CPNE4: variants seen among roughly 807,000 people sequenced by gnomAD.
The protein encoded by CPNE4 is copine 4.
Under a neutral mutation model 67.9 loss-of-function variants are expected in CPNE4, and 25 were observed. The ratio of observed to expected loss-of-function variants is 0.37; its 90% CI spans 0.27 to 0.51. CPNE4 has a LOEUF of 0.51. Among genes scored for constraint, CPNE4 ranks in the 20% least tolerant of loss-of-function variants. CPNE4 has a pLI of 0.93. For missense variants in CPNE4, 464 were observed against 690.8 expected (o/e 0.67, Z 3.68); for synonymous variants, 242 against 244.9 (o/e 0.99, Z 0.11).
chr3:131,580,278 A>C (rs994569766), intron 9 of CPNE4, among the ~76,000 whole-genome samples: 5 of 152,208 alleles, frequency 3.3e-5, no homozygotes, highest in African/African-American at 1.2e-4. Context: ...AATAGACTAC[A>C]GTATAGTGTA....
At chr3:131,934,775 G>T (rs529771118) in intron 1 of CPNE4, among the ~76,000 whole-genome samples, 2 of 152,266 alleles carry the variant, frequency 1.3e-5, no homozygotes, top group South Asian at 4.1e-4. Flanking sequence ...GGGAGCTAGA[G>T]GGAATACCTA....
intron 2 of CPNE4, among the ~76,000 whole-genome samples, chr3:131,862,963 G>GT (rs1018599732): frequency 6.7e-6 from 1 of 149,952 alleles, no homozygotes. Flanking sequence ...GCGGTGTTTG[G>GT]TTTTTTGTCC....
chr3:131,702,046 T>C (rs1378722264), intron 3 of CPNE4, among the ~76,000 whole-genome samples: 1 of 151,980 alleles, frequency 6.6e-6, no homozygotes, highest in Non-Finnish European at 1.5e-5. Flanking sequence ...AAATACCAAG[T>C]CTCTACTAGT....
chr3:131,546,859 G>GAGAA (rs1176581946), intron 14 of CPNE4, among the ~76,000 whole-genome samples: 1 of 152,184 alleles, frequency 6.6e-6, no homozygotes, highest in African/African-American at 2.4e-5. Context: ...GGGAGCTAAA[G>GAGAA]AGAATGGACA....
chr3:131,677,216 T>TTTTA (rs1195393791), intron 6 of CPNE4, among the ~76,000 whole-genome samples: 8 of 151,878 alleles, frequency 5.3e-5, no homozygotes, highest in African/African-American at 1.2e-4. Flanking sequence ...TTGCCCACTT[T>TTTTA]TTTATTTATT....
In CPNE4 at chr3:131,923,812, T is replaced by C. The variant is rs116024944; in HGVS notation, c.-1-18368A>G. Among the ~76,000 whole-genome samples the C allele has an allele frequency of 7.3e-4, 109 of 150,214 alleles. 1 individual carries two copies. The highest frequency in any genetic ancestry group is 2.6e-3 in the African/African-American group (104 of 40,724). On this transcript the variant is annotated intron_variant, in intron 1 of 15. Transcript: ENST00000429747. Reference sequence around the variant, plus strand: ...ATGCCTCATGTGGGCTAGTGGCTCATGTCAGCTAAGCCCCAGGCCCTAAGT... The same window carrying C: ...ATGCCTCATGTGGGCTAGTGGCTCACGTCAGCTAAGCCCCAGGCCCTAAGT...
chr3:131,548,716 G>T (rs998029923), intron 14 of CPNE4, among the ~76,000 whole-genome samples: 1 of 152,108 alleles, frequency 6.6e-6, no homozygotes, highest in Non-Finnish European at 1.5e-5. Flanking sequence ...AAGAGAAAAT[G>T]ATAAGAATTA....
intron 3 of CPNE4, among the ~76,000 whole-genome samples, chr3:131,722,619 G>T (rs1337859193): frequency 1.3e-5 from 2 of 152,022 alleles, no homozygotes; most frequent in Non-Finnish European, 2.9e-5. Flanking sequence ...TAAGGTCTAC[G>T]ACCTTGTATA....
Position 131,947,885 on chromosome 3 carries a change from C to T in CPNE4, c.-1-42441G>A, listed in dbSNP as rs191324187. On this transcript the variant is annotated intron_variant, in intron 1 of 15. Transcript: ENST00000429747. ...AAAAGTGTTCTTATTTATCCATATC[C>T]TCACCAGCATGATCAGTTTTCTTAT... Among the ~76,000 whole-genome samples, 764 of 152,192 alleles carry T rather than the reference C, an allele frequency of 5.0e-3. 4 individuals are homozygous for T. Among genetic ancestry groups the T allele is most frequent in the Non-Finnish European group, 7.9e-3 (537 of 68,004 alleles).
At chr3:131,564,155 C>T (rs1936935185) in intron 11 of CPNE4, 61 bp downstream of exon 11, 2 of 1,603,752 alleles carry the variant, frequency 1.2e-6, no homozygotes, top group East Asian at 4.5e-5. Context: ...CAGGATCAGC[C>T]AAAGACCGTC....
At chr3:131,548,187 G>A (rs1002089229) in intron 14 of CPNE4, among the ~76,000 whole-genome samples, 2 of 152,060 alleles carry the variant, frequency 1.3e-5, no homozygotes, top group East Asian at 1.9e-4. Flanking sequence ...CGTACAAGAT[G>A]TGCAATATTT....
chr3:131,621,039 C>T (rs543804360), intron 7 of CPNE4, among the ~76,000 whole-genome samples: 1 of 152,092 alleles, frequency 6.6e-6, no homozygotes, highest in Non-Finnish European at 1.5e-5. Flanking sequence ...CTCTTGTATC[C>T]AAGAGGGATC....
chr3:131,634,907 ATAAAT>A (rs1031662927), intron 7 of CPNE4, among the ~76,000 whole-genome samples: 8 of 152,196 alleles, frequency 5.3e-5, no homozygotes, highest in African/African-American at 1.9e-4. Context: ...ATCTGAAAAA[ATAAAT>A]TAATAACACA....
chr3:132,027,253 A>C (rs2107697593), intron 1 of CPNE4, among the ~76,000 whole-genome samples: 1 of 152,288 alleles, frequency 6.6e-6, no homozygotes, highest in Non-Finnish European at 1.5e-5. Context: ...GGAGTGAAGA[A>C]GCCTTTATTC....
intron 9 of CPNE4, among the ~76,000 whole-genome samples, chr3:131,580,135 A>G (rs759615186): frequency 1.6e-4 from 25 of 152,174 alleles, no homozygotes; most frequent in Non-Finnish European, 2.8e-4. Context: ...AACCATCAAT[A>G]TCCAGATAAG....
intron 2 of CPNE4, among the ~76,000 whole-genome samples, chr3:131,785,648 ACT>A (rs1300100117): frequency 2.3e-5 from 3 of 132,248 alleles, no homozygotes; most frequent in Middle Eastern, 4.1e-3. Context: ...ATCTGCCAGC[ACT>A]CTCTCTCTCT....
chr3:131,679,775 G>A (rs2080691549), intron 6 of CPNE4, among the ~76,000 whole-genome samples: 1 of 152,114 alleles, frequency 6.6e-6, no homozygotes. Flanking sequence ...GGATTTGATT[G>A]TGCTGTGGTC....
intron 9 of CPNE4, among the ~76,000 whole-genome samples, chr3:131,577,137 G>C (rs747765242): frequency 6.6e-6 from 1 of 151,964 alleles, no homozygotes; most frequent in African/African-American, 2.4e-5. Context: ...CCCAGCAATT[G>C]GTGTAAAGGG....
intron 8 of CPNE4, among the ~76,000 whole-genome samples, chr3:131,585,190 TG>T (rs1375630813): frequency 6.6e-6 from 1 of 152,226 alleles, no homozygotes; most frequent in Non-Finnish European, 1.5e-5. Context: ...GGTTTAGTTT[TG>T]TAATAGCATT....
Sources: gnomAD v4.1 joint callset for allele counts (sites outside exome capture counted in the v4.1 genomes callset) on GRCh38, gnomAD v4.1.1 for gene constraint, MANE v1.5 for transcripts, NCBI Gene and HGNC (gene_info 2026-07-23, HGNC 2026-07-21) for gene names.